Variants in C1QTNF9B observed in about 807,000 individuals in gnomAD.
C1QTNF9B encodes C1q and TNF related 9B, also known as complement C1q and tumor necrosis factor-related protein 9B.
A neutral mutation model predicts 10.1 loss-of-function variants in C1QTNF9B; 9 were observed. The ratio of observed to expected loss-of-function variants is 0.89; its 90% CI spans 0.53 to 1.55. C1QTNF9B has a LOEUF of 1.55. Among genes scored for constraint, C1QTNF9B ranks in the 40% most tolerant of loss-of-function variants. The probability of loss-of-function intolerance (pLI) is 0.00; values close to 1 mark genes in which losing one functional copy is unlikely to be tolerated. For missense variants in C1QTNF9B, 196 were observed against 414.4 expected (o/e 0.47, Z 4.58); for synonymous variants, 79 against 159.9 (o/e 0.49, Z 3.82).
At chr13:23,891,450 C>A (rs370349038) in exon 3 of C1QTNF9B, 1 of 1,581,836 alleles carries the variant, frequency 6.3e-7, no homozygotes. Flanking sequence ...TCAGAGCTCA[C>A]GTAAGCATCT....
At chr13:23,897,095 G>C (rs1872231392), upstream of C1QTNF9B, 1 of 1,480,872 alleles carries the variant, frequency 6.8e-7, no homozygotes, top group Non-Finnish European at 9.2e-7. Context: ...GGAAATGGAT[G>C]AGCTGTCCCC....
At chr13:23,892,320 C>A (rs1427636192) in intron 2 of C1QTNF9B, among the ~76,000 whole-genome samples, 1 of 152,012 alleles carries the variant, frequency 6.6e-6, no homozygotes, top group Non-Finnish European at 1.5e-5. Flanking sequence ...AATTCCCTGA[C>A]TCTAAAAAAA....
At chr13:23,892,033 G>A (rs1328194366) in exon 3 of C1QTNF9B, 5 of 1,613,862 alleles carry the variant, frequency 3.1e-6, no homozygotes, top group Non-Finnish European at 4.2e-6. Flanking sequence ...CACCTTTGAT[G>A]CCTTTTGCTT....
exon 3 of C1QTNF9B, chr13:23,891,121 G>A: frequency 3.2e-6 from 2 of 623,826 alleles, no homozygotes; most frequent in Non-Finnish European, 5.0e-6. Flanking sequence ...ATTTACTCCT[G>A]GAAAAATAGT....
chr13:23,891,701 A>C (rs756870424), exon 3 of C1QTNF9B: 4 of 1,613,900 alleles, frequency 2.5e-6, no homozygotes, highest in Non-Finnish European at 3.4e-6. Flanking sequence ...TGGCAAGACT[A>C]GAGTCTCACC....
upstream of C1QTNF9B, chr13:23,897,305 T>C: frequency 2.3e-6 from 1 of 437,862 alleles, no homozygotes. Flanking sequence ...AGAAATCACT[T>C]CTCTTAACCA....
chr13:23,896,901 C>T, exon 1 of C1QTNF9B: 1 of 1,614,014 alleles, frequency 6.2e-7, no homozygotes. Flanking sequence ...CCCAGGGATT[C>T]CAGGGTGCCC....
At chr13:23,892,549 G>T (rs1402903780) in intron 2 of C1QTNF9B, among the ~76,000 whole-genome samples, 1 of 152,192 alleles carries the variant, frequency 6.6e-6, no homozygotes, top group Non-Finnish European at 1.5e-5. Context: ...CAGATATTCA[G>T]GAGGCTGAGG....
At chr13:23,894,735 G>T (rs947222453) in intron 1 of C1QTNF9B, 6 of 425,730 alleles carry the variant, frequency 1.4e-5, no homozygotes, top group African/African-American at 1.0e-4. Context: ...TACACTGGGG[G>T]AAATGCTACT....
intron 2 of C1QTNF9B, among the ~76,000 whole-genome samples, chr13:23,893,248 G>A (rs542787083): frequency 2.0e-5 from 3 of 152,294 alleles, no homozygotes; most frequent in South Asian, 4.1e-4. Flanking sequence ...AGCACAAAGT[G>A]AAGATTACAC....
At chr13:23,897,307 T>C (rs1872237462), upstream of C1QTNF9B, 1 of 435,344 alleles carries the variant, frequency 2.3e-6, no homozygotes, top group Non-Finnish European at 4.1e-6. Flanking sequence ...AAATCACTTC[T>C]CTTAACCACA....
At chr13:23,894,334 C>T (rs891613205) in intron 1 of C1QTNF9B, 133 bp from the exon 4 acceptor site, 20 of 860,246 alleles carry the variant, frequency 2.3e-5, no homozygotes, top group African/African-American at 1.8e-4. Context: ...GTCCTCCACA[C>T]GAGCGCAGGT....
At chr13:23,894,732 G>A (rs1341232534) in intron 1 of C1QTNF9B, 2 of 427,734 alleles carry the variant, frequency 4.7e-6, no homozygotes, top group Admixed American at 2.5e-5. Flanking sequence ...CCTTACACTG[G>A]GGGAAATGCT....
At chr13:23,894,078 G>C (rs1207157422) in intron 2 of C1QTNF9B, 61 bp downstream of exon 4, 1 of 1,338,196 alleles carries the variant, frequency 7.5e-7, no homozygotes, top group African/African-American at 1.4e-5. Context: ...ACTTGTCCAT[G>C]GTAATATTGT....
chr13:23,895,857 T>C (rs1042245804), intron 1 of C1QTNF9B, among the ~76,000 whole-genome samples: 15 of 152,096 alleles, frequency 9.9e-5, no homozygotes, highest in African/African-American at 3.6e-4. Flanking sequence ...TCATTTGGAC[T>C]GGGCTATTTG....
At position 23,892,461 on chromosome 13, in the gene C1QTNF9B, G is replaced by C. The variant is rs111588986; in HGVS notation, c.230-400C>G. On this transcript the variant is annotated intron_variant, in intron 2 of 2. Coordinates refer to ENST00000382137, the Ensembl canonical transcript of C1QTNF9B. Reference sequence around the variant, plus strand: ...CTTGAGTCCAGGAATTCAAGATCAGGCTAGGCAACATGGCAAAACCTCATC... The same window carrying C: ...CTTGAGTCCAGGAATTCAAGATCAGCCTAGGCAACATGGCAAAACCTCATC... Among the ~76,000 whole-genome samples, 12 of 152,066 alleles carry C rather than the reference G, an allele frequency of 7.9e-5. No individual in the cohort carries two copies. The South Asian group carries it at 1.9e-3, about 24-fold the overall frequency.
intron 1 of C1QTNF9B, among the ~76,000 whole-genome samples, chr13:23,896,521 C>G (rs1430126355): frequency 6.6e-6 from 1 of 152,180 alleles, no homozygotes; most frequent in East Asian, 1.9e-4. Context: ...ACATTGTATA[C>G]TACTGAAAAT....
intron 2 of C1QTNF9B, 123 bp from the exon 5 acceptor site, chr13:23,892,184 A>G: frequency 7.0e-7 from 1 of 1,419,306 alleles, no homozygotes; most frequent in South Asian, 1.4e-5. Flanking sequence ...GTATATGCCC[A>G]GAGTTTAAAA....
At chr13:23,893,492 A>G (rs946924114) in intron 2 of C1QTNF9B, among the ~76,000 whole-genome samples, 6 of 152,160 alleles carry the variant, frequency 3.9e-5, no homozygotes, top group Non-Finnish European at 8.8e-5. Flanking sequence ...TTTGTTTGTG[A>G]CAGGGTCACT....
Sources: gnomAD v4.1 joint callset for allele counts (sites outside exome capture counted in the v4.1 genomes callset) on GRCh38, gnomAD v4.1.1 for gene constraint, MANE v1.5 for transcripts, NCBI Gene and HGNC (gene_info 2026-07-23, HGNC 2026-07-21) for gene names.